EPB41L4B: variants seen among roughly 807,000 people sequenced by gnomAD.
The protein encoded by EPB41L4B is band 4.1-like protein 4B.
A neutral mutation model predicts 112.5 loss-of-function variants in EPB41L4B; 30 were observed. That is an observed-to-expected ratio of 0.27 (90% CI 0.20 to 0.36). The LOEUF (loss-of-function observed/expected upper bound fraction) is 0.36, where lower values mean the gene tolerates loss of function less well. Among genes scored for constraint, EPB41L4B ranks in the 10% least tolerant of loss-of-function variants. The pLI is 1.00. For synonymous variants in EPB41L4B, 408 were observed against 439.7 expected (o/e 0.93, Z 0.90); for missense variants, 1,024 against 1,133.3 (o/e 0.90, Z 1.38).
intron 1 of EPB41L4B, among the ~76,000 whole-genome samples, chr9:109,289,961 G>A (rs1021658949): frequency 1.3e-5 from 2 of 152,178 alleles, no homozygotes; most frequent in Non-Finnish European, 2.9e-5. Context: ...TTTACGGCAC[G>A]TGGGAAATCT....
intron 15 of EPB41L4B, among the ~76,000 whole-genome samples, chr9:109,233,828 A>G (rs750136153): frequency 3.3e-5 from 5 of 152,246 alleles, no homozygotes; most frequent in Non-Finnish European, 5.9e-5. Context: ...CACCACGCTT[A>G]GCCTGGAAAC....
intron 5 of EPB41L4B, among the ~76,000 whole-genome samples, chr9:109,263,875 T>C (rs1461093614): frequency 1.3e-5 from 2 of 152,214 alleles, no homozygotes; most frequent in African/African-American, 4.8e-5. Flanking sequence ...ATGTTGGGAC[T>C]TGAACACCAT....
chr9:109,261,399 T>C (rs1226680335), intron 6 of EPB41L4B, among the ~76,000 whole-genome samples: 5 of 152,084 alleles, frequency 3.3e-5, no homozygotes, highest in Non-Finnish European at 7.4e-5. Context: ...CCCCATTAGA[T>C]AATAAGAATT....
chr9:109,254,314 G>A (rs994005514), intron 11 of EPB41L4B, among the ~76,000 whole-genome samples: 3 of 152,138 alleles, frequency 2.0e-5, no homozygotes, highest in East Asian at 1.9e-4. Context: ...GAGTGTCTCC[G>A]GTAACCTCTG....
chr9:109,273,371 C>T (rs544863235), intron 2 of EPB41L4B, among the ~76,000 whole-genome samples: 3 of 152,178 alleles, frequency 2.0e-5, no homozygotes, highest in Admixed American at 2.0e-4. Flanking sequence ...CTCGGCCTCC[C>T]GAGTAGCTGG....
At chr9:109,292,861 A>G (rs1836584559) in intron 1 of EPB41L4B, among the ~76,000 whole-genome samples, 1 of 152,190 alleles carries the variant, frequency 6.6e-6, no homozygotes, top group African/African-American at 2.4e-5. Context: ...AGCTTGCTCT[A>G]GAAGAGCCAG....
rs546823516 is a variant in EPB41L4B, at chr9:109,305,515, G to A, written c.306+14626C>T. On this transcript the variant is annotated intron_variant, in intron 1 of 25. Transcript: ENST00000374566. ...TGCCTGTAATCCCAACTACTCGGGA[G>A]GCTGAGGCAGGAGAATCACTTGAAC... is the stretch of plus-strand genomic sequence containing the variant. Among the ~76,000 whole-genome samples the A allele has an allele frequency of 2.6e-5, 4 of 152,242 alleles. No homozygotes were observed. In the East Asian group the frequency reaches 7.7e-4, roughly 29 times the overall value.
At chr9:109,262,355 A>G (rs1051466859) in intron 6 of EPB41L4B, among the ~76,000 whole-genome samples, 1 of 152,092 alleles carries the variant, frequency 6.6e-6, no homozygotes, top group Non-Finnish European at 1.5e-5. Context: ...CCCCAGAAAC[A>G]GCCTGAGAAT....
chr9:109,213,132 C>A (rs141024866), intron 17 of EPB41L4B, among the ~76,000 whole-genome samples: 51 of 152,158 alleles, frequency 3.4e-4, no homozygotes, highest in Non-Finnish European at 6.5e-4. Flanking sequence ...ATTTCCCTTC[C>A]TCTGGTCTGA....
chr9:109,237,038 G>A (rs1362289004), intron 15 of EPB41L4B, among the ~76,000 whole-genome samples: 1 of 152,198 alleles, frequency 6.6e-6, no homozygotes, highest in African/African-American at 2.4e-5. Flanking sequence ...GATTTTAAAG[G>A]ACTAGTTAAA....
In EPB41L4B at chr9:109,312,854, C is replaced by T. The variant is rs547784493; in HGVS notation, c.306+7287G>A. On this transcript the variant is annotated intron_variant, in intron 1 of 25. Coordinates refer to ENST00000374566, the MANE Select transcript of EPB41L4B (RefSeq NM_019114.5). ...ATGGGGCTTTTCTGACCCCCATCTT[C>T]CACGCGTTTCCACCTGCTGTTCCCT... 5.3e-5 allele frequency among the ~76,000 whole-genome samples: 8 copies of T among 152,256 alleles called. No homozygotes were observed. The South Asian group carries it at 1.7e-3, about 32-fold the overall frequency.
At chr9:109,222,684 G>A (rs186880318) in intron 15 of EPB41L4B, among the ~76,000 whole-genome samples, 15 of 152,254 alleles carry the variant, frequency 9.9e-5, no homozygotes, top group African/African-American at 3.1e-4. Flanking sequence ...GGGTGACAGA[G>A]GACAGATGTA....
At chr9:109,284,146 T>C (rs1003192915) in intron 1 of EPB41L4B, among the ~76,000 whole-genome samples, 1 of 152,148 alleles carries the variant, frequency 6.6e-6, no homozygotes, top group Admixed American at 6.5e-5. Context: ...CAGCTTAACC[T>C]AGCCTACCTT....
At chr9:109,237,394 G>T (rs1834184737) in intron 15 of EPB41L4B, among the ~76,000 whole-genome samples, 1 of 152,170 alleles carries the variant, frequency 6.6e-6, no homozygotes, top group East Asian at 1.9e-4. Flanking sequence ...ATGAATAGAT[G>T]ATAAACCAGT....
At chr9:109,298,704 GA>G (rs1463819873) in intron 1 of EPB41L4B, among the ~76,000 whole-genome samples, 2 of 152,152 alleles carry the variant, frequency 1.3e-5, no homozygotes, top group Non-Finnish European at 2.9e-5. Flanking sequence ...ACACAAATAG[GA>G]AATTATTTAC....
At chr9:109,247,921 T>C (rs1588169137) in intron 13 of EPB41L4B, 132 bp from the exon 14 acceptor site, 1 of 616,034 alleles carries the variant, frequency 1.6e-6, no homozygotes, top group East Asian at 3.6e-5. Context: ...TTCCACATAA[T>C]GACTTTTTTT....
Position 109,208,027 on chromosome 9 carries a change from T to C in EPB41L4B, c.1775A>G (p.Glu592Gly). The C allele has an allele frequency of 6.2e-7, 1 of 1,614,170 alleles. No homozygotes were observed. Among genetic ancestry groups the C allele is most frequent in the Non-Finnish European group, 8.5e-7 (1 of 1,180,038 alleles). The stretch of plus-strand genomic sequence containing the variant: ...CAAAAGTGGAGTCTGAAGAGTTTTC[T>C]CCGAGACTTTCTTTTCTTCAGCCTG... ...INKAEEKKVSEKTLQTPLLPS... is the reference protein window; with the variant it reads ...INKAEEKKVSGKTLQTPLLPS... The change falls in exon 18 of 26, where the codon GAG becomes GGG. Residue 592 changes from glutamate to glycine, a missense_variant. By Grantham distance (98) the Glu-to-Gly change is moderately conservative. Transcript: ENST00000374566.
intron 16 of EPB41L4B, among the ~76,000 whole-genome samples, chr9:109,215,215 C>A (rs1833318255): frequency 6.6e-6 from 1 of 152,150 alleles, no homozygotes; most frequent in Non-Finnish European, 1.5e-5. Flanking sequence ...AATAGAAGAT[C>A]AAAGAGGGAA....
At chr9:109,303,265 T>A (rs559355574) in intron 1 of EPB41L4B, among the ~76,000 whole-genome samples, 1 of 152,188 alleles carries the variant, frequency 6.6e-6, no homozygotes, top group East Asian at 1.9e-4. Flanking sequence ...AAAAAAACAA[T>A]TTTTAAATTC....
Sources: gnomAD v4.1 joint callset for allele counts (sites outside exome capture counted in the v4.1 genomes callset) on GRCh38, gnomAD v4.1.1 for gene constraint, MANE v1.5 for transcripts, NCBI Gene and HGNC (gene_info 2026-07-23, HGNC 2026-07-21) for gene names.